Variants in KLF12 observed in about 807,000 individuals in gnomAD.
The protein encoded by KLF12 is KLF transcription factor 12.
In KLF12, 9 loss-of-function variants were observed where a neutral mutation model predicts 37.8. That is an observed-to-expected ratio of 0.24 (90% CI 0.14 to 0.42). KLF12 has a LOEUF of 0.42. Ranked by LOEUF, KLF12 falls within the 10% of genes least tolerant of loss-of-function variation. The probability of loss-of-function intolerance (pLI) is 1.00; values close to 1 mark genes in which losing one functional copy is unlikely to be tolerated. For missense variants in KLF12, 411 were observed against 516.0 expected (o/e 0.80, Z 1.97); for synonymous variants, 208 against 202.1 (o/e 1.03, Z -0.25).
chr13:73,693,957 G>T lies in KLF12; in HGVS notation c.*1533C>A, dbSNP rs1419509211. ...TGTATATGTTCCTAGTTGCAAAAAG[G>T]TTCATAATTTTATGGGGCTGATGGA... On this transcript the variant is annotated 3_prime_UTR_variant, in exon 8 of 8. Coordinates refer to ENST00000377669, the MANE Select transcript of KLF12 (RefSeq NM_007249.5). 6.6e-6 allele frequency: 1 copy of T among 152,574 alleles called. No homozygotes were observed. Among genetic ancestry groups the T allele is most frequent in the Non-Finnish European group, 1.5e-5 (1 of 68,010 alleles). 9.5% of individuals were successfully genotyped at this position (152,574 alleles called of 1,614,324 possible).
chr13:73,854,304 T>C (rs1263579707), intron 3 of KLF12, among the ~76,000 whole-genome samples: 9 of 152,360 alleles, frequency 5.9e-5, no homozygotes, highest in Admixed American at 3.3e-4. Flanking sequence ...TTTTAAAATA[T>C]GCAATAATGT....
At chr13:74,247,911 G>C in the KLF12 span, among the ~76,000 whole-genome samples, 5 of 152,190 alleles carry the variant, frequency 3.3e-5, no homozygotes, top group African/African-American at 1.2e-4. Context: ...GCTAATAAGT[G>C]ATCTCCCAAG....
At chr13:74,127,772 G>A (rs2139012021) in intron 1 of KLF12, among the ~76,000 whole-genome samples, 1 of 152,176 alleles carries the variant, frequency 6.6e-6, no homozygotes, top group South Asian at 2.1e-4. Context: ...TGTGCATTTT[G>A]TATAATGTTA....
At chr13:74,238,501 T>C in the KLF12 span, among the ~76,000 whole-genome samples, 1 of 137,584 alleles carries the variant, frequency 7.3e-6, no homozygotes, top group Admixed American at 6.8e-5. Context: ...ATTGGAATAG[T>C]TTCAGAAGGA....
chr13:73,950,695 G>A (rs1292305497), intron 2 of KLF12, among the ~76,000 whole-genome samples: 1 of 152,140 alleles, frequency 6.6e-6, no homozygotes, highest in Non-Finnish European at 1.5e-5. Context: ...TAGAGAAGGA[G>A]GACAAAACTT....
chr13:74,289,122 G>C, the KLF12 span: 1 of 152,154 alleles, frequency 6.6e-6, no homozygotes, highest in Non-Finnish European at 1.5e-5. Flanking sequence ...AAGTGCAGTA[G>C]TGAGGAAGGG....
rs1417459159 is a variant in KLF12 at position 73,687,102 on chromosome 13, A to G, written c.*8388T>C. The G allele has an allele frequency of 6.6e-6, 1 of 152,644 alleles. No individual in the cohort carries two copies. Among genetic ancestry groups the G allele is most frequent in the Non-Finnish European group, 1.5e-5 (1 of 68,044 alleles). The allele number at this position is 152,644 out of a possible 1,614,324, so 9.5% of individuals were successfully genotyped here. A position where few individuals can be genotyped will look rare whatever the true frequency, so the allele number is the denominator to read the frequency against. The stretch of plus-strand genomic sequence containing the variant: ...GGTGGTCTGTTCTCATCGTTTCACA[A>G]CACAAAGTTCTGAGTACATTCTTCT... On this transcript the variant is annotated 3_prime_UTR_variant, in exon 8 of 8. Coordinates refer to ENST00000377669, the MANE Select transcript of KLF12 (RefSeq NM_007249.5).
chr13:73,955,979 T>C (rs1890819139), intron 2 of KLF12, among the ~76,000 whole-genome samples: 2 of 152,216 alleles, frequency 1.3e-5, no homozygotes, highest in Admixed American at 1.3e-4. Flanking sequence ...CTTCTTGGAA[T>C]TTCTGTAGGA....
At chr13:73,786,804 A>T (rs1367927472) in intron 5 of KLF12, among the ~76,000 whole-genome samples, 1 of 150,786 alleles carries the variant, frequency 6.6e-6, no homozygotes, top group African/African-American at 2.4e-5. Context: ...GTGCACCTGT[A>T]GTCCCAGTGA....
the KLF12 span, among the ~76,000 whole-genome samples, chr13:74,190,278 T>C: frequency 3.3e-5 from 5 of 152,196 alleles, no homozygotes; most frequent in Non-Finnish European, 5.9e-5. Flanking sequence ...AACACTATCT[T>C]AGTAGAGTTT....
the KLF12 span, among the ~76,000 whole-genome samples, chr13:74,146,781 G>GTAGGTGAAA: frequency 1.3e-5 from 2 of 152,140 alleles, no homozygotes; most frequent in Non-Finnish European, 2.9e-5. Context: ...AGCCAATGGG[G>GTAGGTGAAA]TAGGTGAAAT....
At chr13:73,733,700 T>C (rs959966463) in intron 6 of KLF12, among the ~76,000 whole-genome samples, 1 of 152,208 alleles carries the variant, frequency 6.6e-6, no homozygotes, top group South Asian at 2.1e-4. Flanking sequence ...GCTGGATTAC[T>C]TGCAATTGTA....
chr13:74,083,118 G>A (rs183439721), intron 1 of KLF12, among the ~76,000 whole-genome samples: 4 of 152,142 alleles, frequency 2.6e-5, no homozygotes, highest in African/African-American at 4.8e-5. Flanking sequence ...CTTTAAAAGC[G>A]TGGGGCCCAC....
At chr13:73,851,629 GTCA>G (rs1212992386) in intron 3 of KLF12, among the ~76,000 whole-genome samples, 1 of 152,060 alleles carries the variant, frequency 6.6e-6, no homozygotes, top group Non-Finnish European at 1.5e-5. Context: ...TGGGATGTTG[GTCA>G]TTCTTTAGCA....
chr13:74,048,747 A>ACTAGT (rs1893611666), intron 1 of KLF12, among the ~76,000 whole-genome samples: 1 of 152,200 alleles, frequency 6.6e-6, no homozygotes, highest in Non-Finnish European at 1.5e-5. Flanking sequence ...AAGAAAACAG[A>ACTAGT]CTGATTATGA....
chr13:74,234,896 A>G, the KLF12 span, among the ~76,000 whole-genome samples: 255 of 152,324 alleles, frequency 1.7e-3, no homozygotes, highest in Middle Eastern at 3.4e-3. Context: ...TACTGTATGT[A>G]ATGATAGAAT....
intron 2 of KLF12, among the ~76,000 whole-genome samples, chr13:73,980,670 C>T (rs999534154): frequency 6.6e-6 from 1 of 152,034 alleles, no homozygotes; most frequent in African/African-American, 2.4e-5. Context: ...GAAAAATGGT[C>T]AAAAGACAAA....
chr13:73,846,057 G>C lies in KLF12; in HGVS notation c.440C>G (p.Pro147Arg). The C allele has an allele frequency of 1.2e-6, 2 of 1,614,076 alleles. No homozygotes were observed. The highest frequency in any genetic ancestry group is 1.7e-6 in the Non-Finnish European group (2 of 1,180,006). Residue 147 changes from proline (P) to arginine (R), a missense_variant, in exon 4 of 8, where the codon CCC becomes CGC. Physicochemically the swap from Pro to Arg is moderately radical, Grantham distance 103 (BLOSUM62 -2). Transcript: ENST00000377669. ...AACACCAGATGCAGAGGCCACAAGGGGCCCTGGAGTTAATACTGTTGACGA... is the reference window on the plus strand; with the variant it reads ...AACACCAGATGCAGAGGCCACAAGGCGCCCTGGAGTTAATACTGTTGACGA...
At chr13:73,983,218 A>T (rs1320848334) in intron 2 of KLF12, among the ~76,000 whole-genome samples, 2 of 152,194 alleles carry the variant, frequency 1.3e-5, no homozygotes, top group East Asian at 3.9e-4. Context: ...CTCAACCAGA[A>T]CGCCAGGCAA....
Sources: gnomAD v4.1 joint callset for allele counts (sites outside exome capture counted in the v4.1 genomes callset) on GRCh38, gnomAD v4.1.1 for gene constraint, MANE v1.5 for transcripts, NCBI Gene and HGNC (gene_info 2026-07-23, HGNC 2026-07-21) for gene names.